NAIP: variants seen among roughly 807,000 people sequenced by gnomAD.
NAIP encodes the protein baculoviral IAP repeat-containing protein 1.
NAIP carries 15 observed loss-of-function variants against 23.0 expected under a neutral mutation model. That is an observed-to-expected ratio of 0.65 (90% CI 0.44 to 1.00). The LOEUF (loss-of-function observed/expected upper bound fraction) is 1.00. Among genes scored for constraint, NAIP ranks in the 50% least tolerant of loss-of-function variants. The pLI, the probability that NAIP is intolerant of heterozygous loss-of-function variation, is 0.00. For missense variants in NAIP, 265 were observed against 278.8 expected (o/e 0.95, Z 0.35); for synonymous variants, 100 against 100.2 (o/e 1.00, Z 0.01).
chr5:71,010,287 GA>G (rs1751087067), intron 5 of NAIP, among the ~76,000 whole-genome samples: 1 of 143,686 alleles, frequency 7.0e-6, no homozygotes, highest in African/African-American at 2.7e-5. Flanking sequence ...TTTTTTTTTT[GA>G]GACGGAGTCT....
In NAIP at chr5:71,012,525, C is replaced by T; in HGVS notation, c.391G>A (p.Asp131Asn). 1.2e-6 allele frequency: 2 copies of T among 1,611,722 alleles called. No individual in the cohort carries two copies. Among genetic ancestry groups the T allele is most frequent in the South Asian group, 1.1e-5 (1 of 90,962 alleles). ...TCGTACTTGGCAATGTTACCAACAT[C>T]CTTGTTCAAAAGGAACCCACAATCT... Reference protein sequence around the residue: ...HPDCGFLLNKDVGNIAKYDIR... With the variant: ...HPDCGFLLNKNVGNIAKYDIR... Residue 131 changes from aspartate to asparagine, a missense_variant, in exon 4 of 17, where the codon GAT (aspartate) becomes AAT (asparagine). Physicochemically the swap from Asp to Asn is conservative, Grantham distance 23 (BLOSUM62 1). Coordinates refer to ENST00000517649, the MANE Select transcript of NAIP (RefSeq NM_004536.3).
At chr5:71,014,518 C>G (rs746513582) in intron 3 of NAIP, among the ~76,000 whole-genome samples, 10 of 151,612 alleles carry the variant, frequency 6.6e-5, no homozygotes, top group Non-Finnish European at 1.3e-4. Flanking sequence ...ATCATCCCTC[C>G]CTGGTGGTTA....
At chr5:71,010,975 G>A (rs1339091850) in intron 5 of NAIP, among the ~76,000 whole-genome samples, 1 of 151,226 alleles carries the variant, frequency 6.6e-6, no homozygotes, top group African/African-American at 2.4e-5. Flanking sequence ...GCTCACGCCT[G>A]TAATCCTAGC....
intron 8 of NAIP, among the ~76,000 whole-genome samples, chr5:71,000,551 T>A (rs1385370566): frequency 0.012 from 1,518 of 126,258 alleles, 31 homozygotes; most frequent in African/African-American, 0.022. Context: ...TAATAATTAT[T>A]ATTATTATTA....
rs1751206424 is a variant in NAIP at position 71,012,486 on chromosome 5, T to G, written c.430A>C (p.Asn144His). 1 of 1,611,730 alleles carries G rather than the reference T, an allele frequency of 6.2e-7. No individual in the cohort carries two copies. Among genetic ancestry groups the G allele is most frequent in the Non-Finnish European group, 8.5e-7 (1 of 1,178,478 alleles). ...NIAKYDIRVK[N>H]LKSRLRGGKM... ...CCTCCTCTCAGCCTGCTCTTCAGAT[T>G]CTTCACCCTTATGTCGTACTTGGCA... Residue 144 changes from asparagine to histidine, a missense_variant, in exon 4 of 17, where the codon AAT (asparagine) becomes CAT (histidine). By Grantham distance (68) the Asn-to-His change is moderately conservative. Transcript: ENST00000517649.
At chr5:71,012,989 T>A in intron 3 of NAIP, 71 bp from the exon 4 acceptor site, 1 of 1,323,902 alleles carries the variant, frequency 7.6e-7, no homozygotes. Flanking sequence ...TCCCACTGTT[T>A]CCGAAGAAAC....
intron 13 of NAIP, among the ~76,000 whole-genome samples, chr5:70,978,144 TA>T (rs1750373562): frequency 4.6e-4 from 21 of 45,624 alleles, no homozygotes; most frequent in East Asian, 2.2e-3. Context: ...TATATATATA[TA>T]TATATTTTTT....
chr5:71,012,444 C>T lies in NAIP; in HGVS notation c.472G>A (p.Glu158Lys), dbSNP rs200427852. Reference sequence around the variant, plus strand: ...AAGGACGCAAGTCTAGCCTCCTCTTCTTGGTACCTCATTTTACCTCCTCTC... The same window carrying T: ...AAGGACGCAAGTCTAGCCTCCTCTTTTTGGTACCTCATTTTACCTCCTCTC... The part of the protein sequence containing the change: ...RLRGGKMRYQ[E>K]EEARLASFRN... The change falls in exon 4 of 17, where the codon GAA (glutamate) becomes AAA (lysine). Residue 158 changes from glutamate to lysine, a missense_variant. Transcript: ENST00000517649. 6.2e-7 allele frequency: 1 copy of T among 1,611,654 alleles called. No individual in the cohort carries two copies. Among genetic ancestry groups the T allele is most frequent in the East Asian group, 2.2e-5 (1 of 44,836 alleles).
chr5:71,000,532 T>A (rs1281845670), intron 8 of NAIP, among the ~76,000 whole-genome samples: 1 of 126,362 alleles, frequency 7.9e-6, no homozygotes, highest in African/African-American at 3.5e-5. Flanking sequence ...ATAATAATAA[T>A]AATAATAATA....
chr5:71,013,844 A>G (rs1161094723), intron 3 of NAIP, among the ~76,000 whole-genome samples: 1 of 151,186 alleles, frequency 6.6e-6, no homozygotes, highest in East Asian at 1.9e-4. Context: ...CTGAGGTGCT[A>G]TGGCCCCAAA....
At chr5:71,014,975 A>G (rs148027387) in intron 3 of NAIP, among the ~76,000 whole-genome samples, 9 of 151,874 alleles carry the variant, frequency 5.9e-5, no homozygotes, top group African/African-American at 2.2e-4. Flanking sequence ...GGTTGTAGCA[A>G]TAAGCAAGAT....
At chr5:71,000,584 C>T (rs1280832743) in intron 8 of NAIP, among the ~76,000 whole-genome samples, 1 of 124,348 alleles carries the variant, frequency 8.0e-6, no homozygotes, top group African/African-American at 3.5e-5. Flanking sequence ...CAGAGTTTCA[C>T]TCTTGTTGCC....
At position 71,012,568 on chromosome 5, in the gene NAIP, G is replaced by GTCT; in HGVS notation, c.345_347dup (p.Glu115dup). 1 of 1,611,768 alleles carries GTCT rather than the reference G, an allele frequency of 6.2e-7. No individual in the cohort carries two copies. The highest frequency in any genetic ancestry group is 8.5e-7 in the Non-Finnish European group (1 of 1,178,462). On this transcript the variant is annotated inframe_insertion, in exon 4 of 17. Coordinates refer to ENST00000517649, the MANE Select transcript of NAIP (RefSeq NM_004536.3). ...CACAATCTGGATGAAACCTCTTGTG[G>GTCT]TCTTCTATGGGGAGTCTCGTGAGGC...
In NAIP at chr5:70,978,128, C is replaced by CAT. The variant is rs1442201087; in HGVS notation, c.3443-1071_3443-1070insAT. Reference sequence around the variant, plus strand: ...ATGTATGCACACACACACACACACACACATATATATATATATATATATTTT... The same window carrying CAT: ...ATGTATGCACACACACACACACACACATACATATATATATATATATATATTTT... On this transcript the variant is annotated intron_variant, in intron 13 of 16. Coordinates refer to ENST00000517649, the MANE Select transcript of NAIP (RefSeq NM_004536.3). Among the ~76,000 whole-genome samples the CAT allele has an allele frequency of 9.1e-4, 36 of 39,616 alleles. 2 individuals are homozygous for CAT. In the East Asian group the frequency reaches 0.011, roughly 13 times the overall value. 26.0% of individuals were successfully genotyped at this position (39,616 alleles called of 152,430 possible).
chr5:71,014,776 G>T (rs1327150087), intron 3 of NAIP, among the ~76,000 whole-genome samples: 1 of 151,316 alleles, frequency 6.6e-6, no homozygotes, highest in African/African-American at 2.4e-5. Context: ...GATGGTGGGT[G>T]CCTGTAATCC....
chr5:71,002,401 C>CTTTTTT (rs1157939944), intron 6 of NAIP, among the ~76,000 whole-genome samples: 1 of 5,588 alleles, frequency 1.8e-4, no homozygotes, highest in African/African-American at 7.8e-4. Context: ...TGTTGGAGGT[C>CTTTTTT]TTTTTTTTTT....
At chr5:71,013,522 C>G (rs967929287) in intron 3 of NAIP, among the ~76,000 whole-genome samples, 4 of 150,584 alleles carry the variant, frequency 2.7e-5, no homozygotes, top group Non-Finnish European at 5.9e-5. Context: ...CGCCTGTAGT[C>G]CCAGCTACTC....
In NAIP at chr5:71,011,266, T is replaced by C. The variant is rs1014323820; in HGVS notation, c.668+9A>G. 2.6e-6 allele frequency: 4 copies of C among 1,562,112 alleles called. No homozygotes were observed. The African/African-American group carries it at 5.5e-5, about 22-fold the overall frequency. On this transcript the variant is annotated intron_variant, in intron 5 of 16. Transcript: ENST00000517649. ...GAAAGAAACATTTAAGCAAAAATTA[T>C]CTACTTACTTGGGGAACCATTTGGC...
chr5:71,012,471 G>A lies in NAIP; in HGVS notation c.445C>T (p.Leu149=). ...TGGTACCTCATTTTACCTCCTCTCA[G>A]CCTGCTCTTCAGATTCTTCACCCTT... is the stretch of plus-strand genomic sequence containing the variant. ...DIRVKNLKSR[L]RGGKMRYQEE... The change falls in exon 4 of 17, where the codon CTG becomes TTG. Residue 149 remains leucine (L), a synonymous_variant. Transcript: ENST00000517649. 1 of 1,611,594 alleles carries A rather than the reference G, an allele frequency of 6.2e-7. No individual in the cohort carries two copies. Among genetic ancestry groups the A allele is most frequent in the Non-Finnish European group, 8.5e-7 (1 of 1,178,394 alleles).
Sources: gnomAD v4.1 joint callset for allele counts (sites outside exome capture counted in the v4.1 genomes callset) on GRCh38, gnomAD v4.1.1 for gene constraint, MANE v1.5 for transcripts, NCBI Gene and HGNC (gene_info 2026-07-23, HGNC 2026-07-21) for gene names.